Variants in ATP10A observed in about 807,000 individuals in gnomAD.
ATP10A encodes the protein ATPase phospholipid transporting 10A (putative), also known as phospholipid-transporting ATPase VA.
Under a neutral mutation model 147.8 loss-of-function variants are expected in ATP10A, and 111 were observed. That is an observed-to-expected ratio of 0.75 (90% CI 0.64 to 0.88). The LOEUF (loss-of-function observed/expected upper bound fraction) is 0.88. Among genes scored for constraint, ATP10A ranks in the 40% least tolerant of loss-of-function variants. The pLI is 0.00. For synonymous variants in ATP10A, 875 were observed against 841.6 expected, an observed-to-expected ratio of 1.04 and a Z score of -0.69; for missense variants, 1,927 against 1,959.0, an observed-to-expected ratio of 0.98 and a Z score of 0.31.
At chr15:25,813,890 A>G (rs1357372866) in intron 1 of ATP10A, among the ~76,000 whole-genome samples, 1 of 152,152 alleles carries the variant, frequency 6.6e-6, no homozygotes, top group Non-Finnish European at 1.5e-5. Flanking sequence ...GTACATCAGT[A>G]ATCTATGGGA....
rs539937618 is a variant in ATP10A at position 25,800,521 on chromosome 15, C to T, written c.450-19298G>A. ...CGGTTGCAGCTGGGAGCTGACCACG[C>T]TCCTTCACTCCACGCGTGCCTGCTG... On this transcript the variant is annotated intron_variant, in intron 1 of 20. Coordinates refer to ENST00000555815, the MANE Select transcript of ATP10A (RefSeq NM_024490.4). Among the ~76,000 whole-genome samples, 35 of 152,338 alleles carry T rather than the reference C, an allele frequency of 2.3e-4. No individual in the cohort carries two copies. The South Asian group carries it at 7.1e-3, about 31-fold the overall frequency.
In ATP10A at chr15:25,858,730, TGCCCTCAGACCCAA is replaced by T. The variant is rs1235055881; in HGVS notation, c.449+3904_449+3917del. Among the ~76,000 whole-genome samples the T allele has an allele frequency of 2.0e-5, 3 of 152,250 alleles. No individual in the cohort carries two copies. The East Asian group carries it at 5.8e-4, about 30-fold the overall frequency. ...AGATGACGGAAAGACACTGAGATGC[TGCCCTCAGACCCAA>T]GCACAGAGCCCAGAAGATTCAGGGA... On this transcript the variant is annotated intron_variant, in intron 1 of 20. Coordinates refer to ENST00000555815, the MANE Select transcript of ATP10A (RefSeq NM_024490.4).
chr15:25,710,607 C>A (rs919958603), intron 10 of ATP10A: 1 of 152,194 alleles, frequency 6.6e-6, no homozygotes, highest in Non-Finnish European at 1.5e-5. Flanking sequence ...TCCATTTCTT[C>A]TAAGCTTTAC....
chr15:25,707,912 C>G, intron 12 of ATP10A, 64 bp downstream of exon 12: 1 of 1,581,668 alleles, frequency 6.3e-7, no homozygotes, highest in Non-Finnish European at 8.6e-7. Flanking sequence ...GAGCACTCAC[C>G]CCTCCAGGGC....
In ATP10A at chr15:25,702,696, C is replaced by T. The variant is rs887834282; in HGVS notation, c.2576-596G>A. 5.9e-5 allele frequency among the ~76,000 whole-genome samples: 9 copies of T among 151,314 alleles called. No individual in the cohort carries two copies. The East Asian group carries it at 1.7e-3, about 29-fold the overall frequency. ...GAGGCAGGTTTTGCCTTTTTGGTCT[C>T]AGTATGTTGGGAAAAATCTACTATT... On this transcript the variant is annotated intron_variant, in intron 12 of 20. Coordinates refer to ENST00000555815, the MANE Select transcript of ATP10A (RefSeq NM_024490.4).
At chr15:25,723,596 T>C (rs935329228) in intron 6 of ATP10A, among the ~76,000 whole-genome samples, 3 of 152,156 alleles carry the variant, frequency 2.0e-5, no homozygotes, top group Admixed American at 6.5e-5. Flanking sequence ...AAATAAAATC[T>C]ATTTTTTTTA....
intron 2 of ATP10A, among the ~76,000 whole-genome samples, chr15:25,758,845 C>G (rs938652087): frequency 1.4e-5 from 2 of 139,944 alleles, no homozygotes; most frequent in Admixed American, 7.0e-5. Flanking sequence ...TAACTCATTC[C>G]GATCACCTGC....
At chr15:25,742,944 C>CCAT (rs1157472332) in intron 2 of ATP10A, among the ~76,000 whole-genome samples, 2 of 152,218 alleles carry the variant, frequency 1.3e-5, no homozygotes, top group Admixed American at 6.5e-5. Flanking sequence ...AGTGCCTCTT[C>CCAT]CATCACTACA....
chr15:25,819,248 T>G (rs1212110191), intron 1 of ATP10A, among the ~76,000 whole-genome samples: 1 of 151,966 alleles, frequency 6.6e-6, no homozygotes, highest in Non-Finnish European at 1.5e-5. Flanking sequence ...GTAACTCCAT[T>G]AAAAAGTGGG....
chr15:25,708,713 A>T (rs539502431), intron 10 of ATP10A: 23 of 172,580 alleles, frequency 1.3e-4, no homozygotes, highest in Admixed American at 3.4e-4. Flanking sequence ...TGCCCAGCCT[A>T]TTAAATGGAG....
intron 2 of ATP10A, among the ~76,000 whole-genome samples, chr15:25,754,228 G>C (rs993455690): frequency 6.6e-6 from 1 of 152,146 alleles, no homozygotes; most frequent in Admixed American, 6.6e-5. Flanking sequence ...CTGCCTCCTG[G>C]GTTCAAGAGA....
intron 2 of ATP10A, among the ~76,000 whole-genome samples, chr15:25,750,827 A>G (rs1888119683): frequency 6.6e-6 from 1 of 152,082 alleles, no homozygotes. Context: ...TATCACTGAA[A>G]GGATAGATCA....
At chr15:25,707,383 G>A (rs1901097699) in intron 12 of ATP10A, among the ~76,000 whole-genome samples, 1 of 152,106 alleles carries the variant, frequency 6.6e-6, no homozygotes, top group African/African-American at 2.4e-5. Flanking sequence ...GACACACAGA[G>A]CATGTATACA....
intron 13 of ATP10A, among the ~76,000 whole-genome samples, chr15:25,696,166 C>T (rs1284447452): frequency 6.6e-6 from 1 of 152,182 alleles, no homozygotes; most frequent in Non-Finnish European, 1.5e-5. Context: ...TGCAACACAC[C>T]ACGGAAATCC....
chr15:25,722,683 A>G (rs1567333032), intron 6 of ATP10A, among the ~76,000 whole-genome samples: 1 of 152,202 alleles, frequency 6.6e-6, no homozygotes, highest in African/African-American at 2.4e-5. Context: ...TTAGAAAACT[A>G]ATTTAGACAG....
chr15:25,800,641 C>A lies in ATP10A; in HGVS notation c.450-19418G>T, dbSNP rs192864580. 2.0e-5 allele frequency among the ~76,000 whole-genome samples: 3 copies of A among 152,266 alleles called. No homozygotes were observed. In the East Asian group the frequency reaches 5.8e-4, roughly 29 times the overall value. On this transcript the variant is annotated intron_variant, in intron 1 of 20. Coordinates refer to ENST00000555815, the MANE Select transcript of ATP10A (RefSeq NM_024490.4). ...TTTCAAATGGGGCAAAGTGAGTTTA[C>A]GGAGGTACAAGCACCAGGAGGAAAC...
chr15:25,744,251 A>G (rs1567350548), intron 2 of ATP10A, among the ~76,000 whole-genome samples: 1 of 152,170 alleles, frequency 6.6e-6, no homozygotes, highest in Non-Finnish European at 1.5e-5. Flanking sequence ...CTCAATGTGA[A>G]AAATGGAGTA....
chr15:25,845,332 G>A (rs4906793), intron 1 of ATP10A, among the ~76,000 whole-genome samples: 1 of 80,566 alleles, frequency 1.2e-5, no homozygotes, highest in South Asian at 3.9e-4. Context: ...TTGTGTGTGT[G>A]TGTGTGTGTG....
At chr15:25,675,376 G>A (rs776472425), downstream of ATP10A, among the ~76,000 whole-genome samples, 6 of 152,212 alleles carry the variant, frequency 3.9e-5, no homozygotes, top group Non-Finnish European at 8.8e-5. Flanking sequence ...AAGTATTTTA[G>A]TGCTTTTAAA....
Sources: allele counts gnomAD v4.1 joint callset (sites outside exome capture counted in the v4.1 genomes callset), GRCh38; gene constraint gnomAD v4.1.1; transcripts MANE v1.5; gene names NCBI Gene and HGNC (gene_info 2026-07-23, HGNC 2026-07-21).